The following ASB8 variants were observed in gnomAD, a reference collection of about 807,000 sequenced individuals.
The protein encoded by ASB8 is ankyrin repeat and SOCS box containing 8, also known as ankyrin repeat and SOCS box protein 8.
Under a neutral mutation model 22.9 loss-of-function variants are expected in ASB8, and 15 were observed. The ratio of observed to expected loss-of-function variants is 0.66; its 90% CI spans 0.44 to 1.01. The LOEUF (loss-of-function observed/expected upper bound fraction) is 1.01, where lower values mean the gene tolerates loss of function less well. ASB8 is among the 50% of genes least tolerant of loss of function. The pLI, the probability that ASB8 is intolerant of heterozygous loss-of-function variation, is 0.00. For synonymous variants in ASB8, 124 were observed against 140.8 expected (o/e 0.88, Z 0.84); for missense variants, 294 against 356.9 (o/e 0.82, Z 1.42).
chr12:48,155,532 G>A (rs550393057), intron 1 of ASB8, among the ~76,000 whole-genome samples: 1 of 151,868 alleles, frequency 6.6e-6, no homozygotes, highest in South Asian at 2.1e-4. Context: ...GACTAGCCTG[G>A]CCAACATGGT....
chr12:48,153,337 A>C (rs771619467), intron 2 of ASB8, 31 bp downstream of exon 2: 4 of 1,611,826 alleles, frequency 2.5e-6, no homozygotes, highest in Non-Finnish European at 3.4e-6. Flanking sequence ...TCATATCGCA[A>C]GGACTCTCCT....
In ASB8 at chr12:48,148,669, T is replaced by TTTG. The variant is rs1255299683; in HGVS notation, c.*696_*697insCAA. ...GATCAATTAAAATGGTTTTTTTTTT[T>TTTG]TTTTTTTTTTTTTGAGACAGTTTTG... On this transcript the variant is annotated 3_prime_UTR_variant, in exon 4 of 4. Coordinates refer to ENST00000317697, the MANE Select transcript of ASB8 (RefSeq NM_024095.5). The TTTG allele has an allele frequency of 2.0e-5, 3 of 146,666 alleles. No homozygotes were observed. Among genetic ancestry groups the TTTG allele is most frequent in the Middle Eastern group, 3.5e-3 (1 of 286 alleles). 9.1% of individuals were successfully genotyped at this position (146,666 alleles called of 1,614,324 possible).
chr12:48,157,002 AAAAG>A (rs1257361889), intron 1 of ASB8: 4 of 151,760 alleles, frequency 2.6e-5, no homozygotes, highest in African/African-American at 4.8e-5. Flanking sequence ...AAAAAAAAAA[AAAAG>A]CAAACTGGAA....
chr12:48,151,769 C>CT, intron 2 of ASB8: 1 of 578,892 alleles, frequency 1.7e-6, no homozygotes. Context: ...CATCTTAACA[C>CT]GGTTTTTCCT....
Position 48,149,571 on chromosome 12 carries a change from C to T in ASB8, c.662G>A (p.Arg221Lys). 1.9e-6 allele frequency: 3 copies of T among 1,614,144 alleles called. No homozygotes were observed. Among genetic ancestry groups the T allele is most frequent in the Non-Finnish European group, 1.7e-6 (2 of 1,180,012 alleles). ...LHRAVGHFEL[R>K]KNGTMPREVA... is the part of the protein sequence containing the mutation. ...CTCTCGTGGCATGGTGCCATTTTTC[C>T]TCAATTCAAAGTGTCCAACAGCTCT... is the stretch of plus-strand genomic sequence containing the variant. Residue 221 changes from arginine to lysine, a missense_variant, in exon 4 of 4, where the codon AGG becomes AAG. Arg to Lys is a conservative substitution (Grantham distance 26, BLOSUM62 2). Transcript: ENST00000317697.
Position 48,153,543 on chromosome 12 carries a change from G to A in ASB8, c.-33-14C>T. On this transcript the variant is annotated splice_polypyrimidine_tract_variant and intron_variant, in intron 1 of 3. Coordinates refer to ENST00000317697, the MANE Select transcript of ASB8 (RefSeq NM_024095.5). The stretch of plus-strand genomic sequence containing the variant: ...GCTCCAAACTGCCTGAAACAAAGAA[G>A]TTTTCGGCATATACAATATCACTGA... The A allele has an allele frequency of 6.2e-7, 1 of 1,603,530 alleles. No individual in the cohort carries two copies.
At chr12:48,154,663 C>T (rs1592853753) in intron 1 of ASB8, among the ~76,000 whole-genome samples, 2 of 152,040 alleles carry the variant, frequency 1.3e-5, no homozygotes, top group South Asian at 2.1e-4. Flanking sequence ...AAAGGTGGGG[C>T]GTGGTGGCTC....
At chr12:48,151,397 C>T in intron 2 of ASB8, 92 bp from the exon 3 acceptor site, 1 of 1,064,022 alleles carries the variant, frequency 9.4e-7, no homozygotes, top group Non-Finnish European at 1.4e-6. Context: ...ACAGAGAGTT[C>T]TAACTCTCAC....
chr12:48,155,576 T>C (rs1302802798), intron 1 of ASB8, among the ~76,000 whole-genome samples: 1 of 150,844 alleles, frequency 6.6e-6, no homozygotes, highest in Non-Finnish European at 1.5e-5. Flanking sequence ...ACAAAAAAAT[T>C]AGCCAGGCAT....
At position 48,149,475 on chromosome 12, in the gene ASB8, A is replaced by G; in HGVS notation, c.758T>C (p.Leu253Pro). Reference sequence around the variant, plus strand: ...GCTACGGCGCACGGCATAGCGAGCGAGTGTTTTTAGAGTTCCTGGAGCTGA... The same window carrying G: ...GCTACGGCGCACGGCATAGCGAGCGGGTGTTTTTAGAGTTCCTGGAGCTGA... ...LCSAPGTLKT[L>P]ARYAVRRSLG... is the part of the protein sequence containing the mutation. The change falls in exon 4 of 4, where the codon CTC becomes CCC. Residue 253 changes from leucine to proline, a missense_variant. By Grantham distance (98) the Leu-to-Pro change is moderately conservative. Coordinates refer to ENST00000317697, the MANE Select transcript of ASB8 (RefSeq NM_024095.5). The G allele has an allele frequency of 6.2e-7, 1 of 1,613,300 alleles. No homozygotes were observed.
Position 48,149,045 on chromosome 12 carries a change from T to G in ASB8, c.*321A>C. ...ACCACACACACATTATTTAAGTACT[T>G]TCCATCTTCCTAGAGAAATTTAGTT... On this transcript the variant is annotated 3_prime_UTR_variant, in exon 4 of 4. Coordinates refer to ENST00000317697, the MANE Select transcript of ASB8 (RefSeq NM_024095.5). 4 of 330,078 alleles carry G rather than the reference T, an allele frequency of 1.2e-5. No homozygotes were observed. Among genetic ancestry groups the G allele is most frequent in the Non-Finnish European group, 1.1e-5 (2 of 179,068 alleles). 20.4% of individuals were successfully genotyped at this position (330,078 alleles called of 1,614,324 possible). A position where few individuals can be genotyped will look rare whatever the true frequency, so the allele number is the denominator to read the frequency against.
chr12:48,152,767 G>A (rs1411752597), intron 2 of ASB8: 2 of 152,282 alleles, frequency 1.3e-5, no homozygotes, highest in Non-Finnish European at 2.9e-5. Flanking sequence ...ACCCAAGGCA[G>A]GTGGGTTGCT....
At chr12:48,151,968 A>G (rs1022192978) in intron 2 of ASB8, among the ~76,000 whole-genome samples, 3 of 152,126 alleles carry the variant, frequency 2.0e-5, no homozygotes, top group East Asian at 1.9e-4. Context: ...CCTGGCCGAC[A>G]TGGTGAAACC....
rs1951237190 is a variant in ASB8, at chr12:48,153,475, T to C, written c.22A>G (p.Ile8Val). Reference sequence around the variant, plus strand: ...TATTTGCTCTGAATGCTCTGCATAATATACCACATACTGGAACTCATCAAG... The same window carrying C: ...TATTTGCTCTGAATGCTCTGCATAACATACCACATACTGGAACTCATCAAG... MSSSMWY[I>V]MQSIQSKYSL... is the part of the protein sequence containing the mutation. The change falls in exon 2 of 4, where the codon ATT (isoleucine) becomes GTT (valine). Residue 8 changes from isoleucine (I) to valine (V), a missense_variant. By Grantham distance (29) the Ile-to-Val change is conservative (BLOSUM62 3). Transcript: ENST00000317697. 1 of 1,613,934 alleles carries C rather than the reference T, an allele frequency of 6.2e-7. No individual in the cohort carries two copies. The highest frequency in any genetic ancestry group is 2.2e-5 in the East Asian group (1 of 44,876).
At chr12:48,151,908 T>C (rs1163778291) in intron 2 of ASB8, among the ~76,000 whole-genome samples, 1 of 152,058 alleles carries the variant, frequency 6.6e-6, no homozygotes, top group African/African-American at 2.4e-5. Flanking sequence ...TCCCAGCACT[T>C]TGGGAGGCTG....
Position 48,150,203 on chromosome 12 carries a change from A to G in ASB8, c.235-205T>C, listed in dbSNP as rs2136075617. 5.6e-6 allele frequency: 4 copies of G among 708,888 alleles called. No individual in the cohort carries two copies. In the East Asian group the frequency reaches 8.0e-5, roughly 14 times the overall value. 43.9% of individuals were successfully genotyped at this position (708,888 alleles called of 1,614,324 possible). A position where few individuals can be genotyped will look rare whatever the true frequency, so the allele number is the denominator to read the frequency against. ...GCAAAAAGGAAAAGAACTGTCCTCA[A>G]ACAGTCAACACTATTATGTGCACTG... On this transcript the variant is annotated intron_variant, in intron 3 of 3. Coordinates refer to ENST00000317697, the MANE Select transcript of ASB8 (RefSeq NM_024095.5).
chr12:48,156,660 T>C (rs1196695503), intron 1 of ASB8, among the ~76,000 whole-genome samples: 4 of 152,158 alleles, frequency 2.6e-5, no homozygotes, highest in Admixed American at 2.6e-4. Flanking sequence ...GTTAACCATT[T>C]CTGGGCCATG....
At chr12:48,150,983 A>G (rs956915611) in intron 3 of ASB8, 6 of 604,316 alleles carry the variant, frequency 9.9e-6, no homozygotes, top group Non-Finnish European at 1.8e-5. Flanking sequence ...AATGGGGGCA[A>G]GCAGGGTGGG....
Position 48,148,724 on chromosome 12 carries a change from C to CGCGATCTTGGCTCACT in ASB8, c.*626_*641dup, listed in dbSNP as rs1565924705. 1 of 127,310 alleles carries CGCGATCTTGGCTCACT rather than the reference C, an allele frequency of 7.9e-6. No individual in the cohort carries two copies. Among genetic ancestry groups the CGCGATCTTGGCTCACT allele is most frequent in the Admixed American group, 1.0e-4 (1 of 9,936 alleles). The allele number at this position is 127,310 out of a possible 1,614,324, so 7.9% of individuals were successfully genotyped here. Reference sequence around the variant, plus strand: ...TGTTGTCCAGGCTGGAGTGCAATGGCGCGATCTTGGCTCACTGCAACCTCT... The same window carrying CGCGATCTTGGCTCACT: ...TGTTGTCCAGGCTGGAGTGCAATGGCGCGATCTTGGCTCACTGCGATCTTGGCTCACTGCAACCTCT... On this transcript the variant is annotated 3_prime_UTR_variant, in exon 4 of 4. Coordinates refer to ENST00000317697, the MANE Select transcript of ASB8 (RefSeq NM_024095.5).
Sources: allele counts gnomAD v4.1 joint callset (sites outside exome capture counted in the v4.1 genomes callset), GRCh38; gene constraint gnomAD v4.1.1; transcripts MANE v1.5; gene names NCBI Gene and HGNC (gene_info 2026-07-23, HGNC 2026-07-21).